Variants in NELL1 observed in about 807,000 individuals in gnomAD.
NELL1 encodes protein kinase C-binding protein NELL1.
Under a neutral mutation model 107.4 loss-of-function variants are expected in NELL1, and 76 were observed. That is an observed-to-expected ratio of 0.71 (90% confidence interval 0.59 to 0.86). The LOEUF is 0.86. Among genes scored for constraint, NELL1 ranks in the 40% least tolerant of loss-of-function variants. NELL1 has a pLI of 0.00. For synonymous variants in NELL1, 353 were observed against 341.2 expected (o/e 1.03, Z -0.38); for missense variants, 1,024 against 1,005.5 (o/e 1.02, Z -0.25).
intron 5 of NELL1, among the ~76,000 whole-genome samples, chr11:20,895,159 C>T (rs1487254518): frequency 7.1e-6 from 1 of 141,040 alleles, no homozygotes; most frequent in Non-Finnish European, 1.5e-5. Flanking sequence ...GTAGTCCCAG[C>T]TACTTGGGAG....
chr11:21,031,959 C>T (rs1366852376), intron 12 of NELL1, among the ~76,000 whole-genome samples: 1 of 151,646 alleles, frequency 6.6e-6, no homozygotes, highest in Non-Finnish European at 1.5e-5. Context: ...GTGAGAGAAT[C>T]GCTTGAACCT....
chr11:20,943,777 C>T (rs1850906979), intron 10 of NELL1, among the ~76,000 whole-genome samples: 1 of 152,104 alleles, frequency 6.6e-6, no homozygotes, highest in Non-Finnish European at 1.5e-5. Context: ...TGTCTACTGC[C>T]ACTCCTGTTA....
intron 4 of NELL1, among the ~76,000 whole-genome samples, chr11:20,872,803 T>C (rs1463209196): frequency 6.6e-6 from 1 of 151,984 alleles, no homozygotes; most frequent in Non-Finnish European, 1.5e-5. Context: ...ATATTTTGTA[T>C]GGGTTGTTTG....
rs149557094 is a variant in NELL1 at position 20,795,873 on chromosome 11, A to T, written c.335+12043A>T. ...GAAATAACTTTCTACTGTGATGCCA[A>T]GTAGACTTGGGTTCATTTCCTGGAT... is the stretch of plus-strand genomic sequence containing the variant. On this transcript the variant is annotated intron_variant, in intron 3 of 19. Transcript: ENST00000357134. Among the ~76,000 whole-genome samples, 28 of 152,274 alleles carry T rather than the reference A, an allele frequency of 1.8e-4. No homozygotes were observed. In the East Asian group the frequency reaches 5.4e-3, roughly 29 times the overall value.
At chr11:20,915,718 T>TATATATATATATATATATATATATA (rs375263928) in intron 5 of NELL1, among the ~76,000 whole-genome samples, 65 of 49,216 alleles carry the variant, frequency 1.3e-3, no homozygotes, top group South Asian at 3.6e-3. Context: ...TATATATATA[T>TATATATATATATATATATATATATA]TTTTTTTTTT....
At chr11:21,292,080 A>G (rs572052439) in intron 14 of NELL1, among the ~76,000 whole-genome samples, 15 of 152,302 alleles carry the variant, frequency 9.8e-5, no homozygotes, top group Non-Finnish European at 1.8e-4. Flanking sequence ...GGCCAGGGCA[A>G]TGAGGCAAGA....
intron 19 of NELL1, among the ~76,000 whole-genome samples, chr11:21,573,819 C>T (rs928736394): frequency 1.1e-4 from 16 of 149,114 alleles, no homozygotes; most frequent in African/African-American, 4.1e-4. Context: ...CAGTCAACTT[C>T]CTTTCATCCT....
At chr11:20,914,198 G>A (rs368433944) in intron 5 of NELL1, among the ~76,000 whole-genome samples, 3 of 152,108 alleles carry the variant, frequency 2.0e-5, no homozygotes, top group East Asian at 3.9e-4. Flanking sequence ...ATTTTGCCAA[G>A]GTTAAGGATG....
At chr11:21,305,723 G>A (rs1279052762) in intron 14 of NELL1, among the ~76,000 whole-genome samples, 3 of 151,636 alleles carry the variant, frequency 2.0e-5, no homozygotes, top group Non-Finnish European at 4.4e-5. Flanking sequence ...TATCTAGACA[G>A]TATAGATTCT....
intron 13 of NELL1, among the ~76,000 whole-genome samples, chr11:21,165,609 G>A (rs754106993): frequency 1.0e-4 from 15 of 149,330 alleles, no homozygotes; most frequent in Admixed American, 1.3e-4. Flanking sequence ...GTATTGAAGC[G>A]ATATCTTCAC....
chr11:20,871,954 G>A (rs1317204544), intron 4 of NELL1, among the ~76,000 whole-genome samples: 1 of 133,658 alleles, frequency 7.5e-6, no homozygotes, highest in Non-Finnish European at 1.6e-5. Context: ...GGGAGGCGGA[G>A]CTTGCAGTGA....
chr11:20,717,397 C>T (rs887651832), intron 2 of NELL1, among the ~76,000 whole-genome samples: 5 of 152,134 alleles, frequency 3.3e-5, no homozygotes, highest in African/African-American at 1.2e-4. Flanking sequence ...TTCCCTGACT[C>T]ATGCCACCAT....
chr11:21,424,504 A>G (rs1326253904), intron 15 of NELL1, among the ~76,000 whole-genome samples: 2 of 151,926 alleles, frequency 1.3e-5, no homozygotes, highest in African/African-American at 4.8e-5. Context: ...ACCTGTTATC[A>G]CAGCTACTTG....
At chr11:21,152,221 A>G (rs1170027518) in intron 13 of NELL1, among the ~76,000 whole-genome samples, 1 of 152,202 alleles carries the variant, frequency 6.6e-6, no homozygotes, top group Non-Finnish European at 1.5e-5. Flanking sequence ...TTGTCCAACA[A>G]TGGTAGCATC....
At chr11:20,673,551 G>A (rs1043619823) in intron 1 of NELL1, among the ~76,000 whole-genome samples, 2 of 152,200 alleles carry the variant, frequency 1.3e-5, no homozygotes, top group African/African-American at 4.8e-5. Context: ...CTGTGGGCCC[G>A]AGCATTCCCT....
At chr11:21,457,708 C>A (rs1853782445) in intron 15 of NELL1, among the ~76,000 whole-genome samples, 1 of 152,090 alleles carries the variant, frequency 6.6e-6, no homozygotes, top group Non-Finnish European at 1.5e-5. Flanking sequence ...GGAGATTTAT[C>A]AACCACAGGT....
intron 4 of NELL1, among the ~76,000 whole-genome samples, chr11:20,861,451 G>A (rs1848977011): frequency 6.6e-6 from 1 of 152,166 alleles, no homozygotes; most frequent in Non-Finnish European, 1.5e-5. Context: ...TCACCTGCAA[G>A]CCTCTAGCCT....
At chr11:21,471,016 T>A (rs895517986) in intron 15 of NELL1, among the ~76,000 whole-genome samples, 43 of 152,220 alleles carry the variant, frequency 2.8e-4, no homozygotes, top group African/African-American at 9.6e-4. Flanking sequence ...ATCCTTATCA[T>A]CATATTTTGA....
intron 14 of NELL1, among the ~76,000 whole-genome samples, chr11:21,332,805 A>G (rs1198237568): frequency 3.3e-5 from 5 of 151,870 alleles, no homozygotes; most frequent in Admixed American, 3.3e-4. Context: ...TATTTTTTTA[A>G]TAATTTCTTC....
Sources: allele counts gnomAD v4.1 joint callset (sites outside exome capture counted in the v4.1 genomes callset), GRCh38; gene constraint gnomAD v4.1.1; transcripts MANE v1.5; gene names NCBI Gene and HGNC (gene_info 2026-07-23, HGNC 2026-07-21).